DENND6A: variants seen among roughly 807,000 people sequenced by gnomAD.
The protein encoded by DENND6A is protein DENND6A.
DENND6A carries 43 observed loss-of-function variants against 95.5 expected under a neutral mutation model. The ratio of observed to expected loss-of-function variants is 0.45; its 90% CI spans 0.35 to 0.58. The LOEUF is 0.58. Among genes scored for constraint, DENND6A ranks in the 20% least tolerant of loss-of-function variants. The probability of loss-of-function intolerance (pLI) is 0.00; values close to 1 mark genes in which losing one functional copy is unlikely to be tolerated. For synonymous variants in DENND6A, 257 were observed against 260.4 expected, an observed-to-expected ratio of 0.99 and a Z score of 0.13; for missense variants, 574 against 736.0, an observed-to-expected ratio of 0.78 and a Z score of 2.55.
chr3:57,692,853 C>G lies in DENND6A; in HGVS notation c.166G>C (p.Asp56His), dbSNP rs767515111. ...CAGTGCAGCCAGGCGGAGAAGCTGT[C>G]CCAGCGCAGCAGGCCCCGGCCACGG... ...DGRGRGLLRW[D>H]SFSAWLHCVC... is the part of the protein sequence containing the mutation. The change falls in exon 1 of 20, where the codon GAC (aspartate) becomes CAC (histidine). Residue 56 changes from aspartate (D) to histidine (H), a missense_variant. Asp to His is a moderately conservative substitution (Grantham distance 81, BLOSUM62 -1). Coordinates refer to ENST00000311128, the MANE Select transcript of DENND6A (RefSeq NM_152678.3). 1 of 1,585,194 alleles carries G rather than the reference C, an allele frequency of 6.3e-7. No homozygotes were observed. Among genetic ancestry groups the G allele is most frequent in the Non-Finnish European group, 8.6e-7 (1 of 1,169,436 alleles).
intron 6 of DENND6A, 127 bp downstream of exon 6, chr3:57,661,319 C>G (rs2071419262): frequency 4.3e-6 from 3 of 704,502 alleles, no homozygotes; most frequent in South Asian, 2.7e-5. Context: ...TTATACCTTT[C>G]TCCTATCATA....
intron 1 of DENND6A, among the ~76,000 whole-genome samples, chr3:57,675,167 G>A (rs972062200): frequency 1.2e-4 from 19 of 152,046 alleles, no homozygotes; most frequent in African/African-American, 4.6e-4. Flanking sequence ...AAAACAAAAA[G>A]AAACAGTTCA....
rs570347269 is a variant in DENND6A, at chr3:57,674,391, G to A, written c.238-1953C>T. Among the ~76,000 whole-genome samples the A allele has an allele frequency of 1.6e-4, 24 of 151,100 alleles. No homozygotes were observed. The East Asian group carries it at 4.3e-3, about 27-fold the overall frequency. On this transcript the variant is annotated intron_variant, in intron 1 of 19. Coordinates refer to ENST00000311128, the MANE Select transcript of DENND6A (RefSeq NM_152678.3). The stretch of plus-strand genomic sequence containing the variant: ...CCGTCTCAAAAAAAAAAAAGAAATT[G>A]GGAGGCCGAGGCAGGTGGATCACAA...
At chr3:57,638,486 T>C (rs930568143) in intron 12 of DENND6A, among the ~76,000 whole-genome samples, 4 of 151,408 alleles carry the variant, frequency 2.6e-5, no homozygotes, top group Non-Finnish European at 4.4e-5. Context: ...GGTGAATCCC[T>C]GTCTCTACTA....
At chr3:57,630,325 A>G (rs2070638110) in intron 18 of DENND6A, 96 bp downstream of exon 18, 6 of 1,117,828 alleles carry the variant, frequency 5.4e-6, no homozygotes, top group Non-Finnish European at 6.2e-6. Context: ...TACTATTTAT[A>G]AAGAGTGGAT....
At chr3:57,681,425 C>G (rs1389392964) in intron 1 of DENND6A, among the ~76,000 whole-genome samples, 1 of 151,676 alleles carries the variant, frequency 6.6e-6, no homozygotes, top group Non-Finnish European at 1.5e-5. Context: ...GATCACGCCA[C>G]TGCACTCCAG....
intron 1 of DENND6A, 73 bp downstream of exon 1, chr3:57,692,709 C>T: frequency 7.5e-7 from 1 of 1,327,846 alleles, no homozygotes; most frequent in Non-Finnish European, 9.7e-7. Flanking sequence ...GGTCAGCCCG[C>T]GGGCCGCTGG....
chr3:57,658,280 A>AGCACTT (rs1159414031), intron 8 of DENND6A, among the ~76,000 whole-genome samples: 1 of 152,108 alleles, frequency 6.6e-6, no homozygotes, highest in Non-Finnish European at 1.5e-5. Context: ...CTGTAATCCT[A>AGCACTT]GCACTTTGGG....
chr3:57,687,004 T>C (rs1249864673), intron 1 of DENND6A, among the ~76,000 whole-genome samples: 1 of 152,174 alleles, frequency 6.6e-6, no homozygotes, highest in Non-Finnish European at 1.5e-5. Context: ...AACTTGTGAA[T>C]GCAAAGGAAA....
At chr3:57,659,931 C>A (rs189769764) in intron 7 of DENND6A, among the ~76,000 whole-genome samples, 19 of 152,262 alleles carry the variant, frequency 1.2e-4, no homozygotes, top group Non-Finnish European at 2.1e-4. Context: ...GAGGCACTGG[C>A]AGGGCCATGG....
intron 12 of DENND6A, 55 bp downstream of exon 12, chr3:57,641,598 A>C: frequency 6.3e-6 from 9 of 1,418,702 alleles, no homozygotes; most frequent in Non-Finnish European, 8.6e-6. Context: ...GAAAAGAAAG[A>C]AACCTGTTCA....
At chr3:57,635,968 T>C (rs924960372) in intron 12 of DENND6A, among the ~76,000 whole-genome samples, 1 of 152,224 alleles carries the variant, frequency 6.6e-6, no homozygotes, top group African/African-American at 2.4e-5. Context: ...ACAGTCAATA[T>C]ATATTTTATC....
chr3:57,691,344 A>G (rs1168027629), intron 1 of DENND6A, among the ~76,000 whole-genome samples: 1 of 152,212 alleles, frequency 6.6e-6, no homozygotes, highest in Non-Finnish European at 1.5e-5. Flanking sequence ...CTATTCTATC[A>G]AAAGTATTTA....
chr3:57,629,535 G>T (rs1165668723), intron 18 of DENND6A, among the ~76,000 whole-genome samples: 1 of 137,032 alleles, frequency 7.3e-6, no homozygotes, highest in African/African-American at 2.7e-5. Context: ...TTTTTGAGAC[G>T]GAGTCTCGCT....
chr3:57,691,669 CAAAAAAA>C (rs71091304), intron 1 of DENND6A, among the ~76,000 whole-genome samples: 2 of 93,596 alleles, frequency 2.1e-5, no homozygotes, highest in Non-Finnish European at 2.0e-5. Flanking sequence ...TCACCAATAC[CAAAAAAA>C]AAAAAAAAAA....
chr3:57,686,082 TATG>T (rs1308336415), intron 1 of DENND6A, among the ~76,000 whole-genome samples: 5 of 152,300 alleles, frequency 3.3e-5, no homozygotes, highest in African/African-American at 1.2e-4. Context: ...AGATGATTCT[TATG>T]ATAAGAAGAA....
At chr3:57,652,056 A>AAT (rs1559815580) in intron 9 of DENND6A, among the ~76,000 whole-genome samples, 1 of 152,130 alleles carries the variant, frequency 6.6e-6, no homozygotes. Flanking sequence ...AATAAAAATA[A>AAT]AAATAAATAA....
intron 1 of DENND6A, among the ~76,000 whole-genome samples, chr3:57,676,175 C>T (rs1401054688): frequency 6.6e-6 from 1 of 151,818 alleles, no homozygotes; most frequent in Non-Finnish European, 1.5e-5. Context: ...GCCAGGAGTT[C>T]GAGATCAGCC....
intron 15 of DENND6A, chr3:57,631,228 G>T (rs116142916): frequency 2.4e-6 from 1 of 410,980 alleles, no homozygotes; most frequent in Non-Finnish European, 4.4e-6. Flanking sequence ...ACAGAGCCTT[G>T]TTCTGTTGCG....
Sources: gnomAD v4.1 joint callset for allele counts (sites outside exome capture counted in the v4.1 genomes callset) on GRCh38, gnomAD v4.1.1 for gene constraint, MANE v1.5 for transcripts, NCBI Gene and HGNC (gene_info 2026-07-23, HGNC 2026-07-21) for gene names.